Variants in HPF1 observed in about 807,000 individuals in gnomAD.
The protein encoded by HPF1 is UPF0609 protein C4orf27.
A neutral mutation model predicts 38.8 loss-of-function variants in HPF1; 35 were observed. That is an observed-to-expected ratio of 0.90 (90% CI 0.69 to 1.19). HPF1 has a LOEUF of 1.19. Among genes scored for constraint, HPF1 ranks in the 50% most tolerant of loss-of-function variants. The pLI is 0.00. For missense variants in HPF1, 367 were observed against 405.8 expected, an observed-to-expected ratio of 0.90 and a Z score of 0.82; for synonymous variants, 115 against 139.2, an observed-to-expected ratio of 0.83 and a Z score of 1.22.
intron 6 of HPF1, 22 bp downstream of exon 6, chr4:169,737,636 CAT>C (rs757643759): frequency 5.1e-6 from 7 of 1,386,120 alleles, no homozygotes; most frequent in Admixed American, 1.7e-5. Flanking sequence ...CATATATGCA[CAT>C]GTTTACTATG....
chr4:169,729,754 T>C, intron 7 of HPF1, 45 bp from the exon 8 acceptor site: 1 of 1,301,122 alleles, frequency 7.7e-7, no homozygotes, highest in Non-Finnish European at 1.0e-6. Context: ...ATAGCAGATA[T>C]CCTAATAAGT....
chr4:169,737,289 C>CAAAA (rs35524684), intron 6 of HPF1, among the ~76,000 whole-genome samples: 5 of 108,460 alleles, frequency 4.6e-5, no homozygotes, highest in Admixed American at 1.0e-4. Flanking sequence ...CACTCCGTCT[C>CAAAA]AAAAAAAAAA....
intron 6 of HPF1, among the ~76,000 whole-genome samples, chr4:169,734,684 A>C (rs1218376488): frequency 6.6e-6 from 1 of 152,240 alleles, no homozygotes; most frequent in Non-Finnish European, 1.5e-5. Flanking sequence ...ACTCAATTTA[A>C]TGAGTTAGGA....
rs759955706 is a variant in HPF1 at position 169,746,992 on chromosome 4, TA to T, written c.497+1751del. On this transcript the variant is annotated intron_variant, in intron 4 of 7. Coordinates refer to ENST00000393381, the MANE Select transcript of HPF1 (RefSeq NM_017867.3). ...TGACCACTATTATGTTATCTTTTTT[TA>T]AAAAAAAAAAAAAACATGACTAATA... is the stretch of plus-strand genomic sequence containing the variant. Among the ~76,000 whole-genome samples, 1,094 of 142,742 alleles carry T rather than the reference TA, an allele frequency of 7.7e-3. 11 individuals are homozygous for T. Among genetic ancestry groups the T allele is most frequent in the South Asian group, 0.048 (219 of 4,598 alleles). The allele number at this position is 142,742 out of a possible 152,430, so 93.6% of individuals were successfully genotyped here.
At chr4:169,737,269 G>T (rs7691713) in intron 6 of HPF1, among the ~76,000 whole-genome samples, 114,321 of 141,524 alleles carry the variant, frequency 0.81, 48,081 homozygotes, top group East Asian at 0.93. Context: ...CAGCCTGGGC[G>T]ACAGAGCAAC....
chr4:169,734,878 G>A (rs1405237020), intron 6 of HPF1, among the ~76,000 whole-genome samples: 1 of 151,992 alleles, frequency 6.6e-6, no homozygotes, highest in Non-Finnish European at 1.5e-5. Context: ...CCTCAGCCGG[G>A]GCTTTGGGAA....
intron 1 of HPF1, among the ~76,000 whole-genome samples, 181 bp downstream of exon 1, chr4:169,757,649 C>T (rs1387406477): frequency 6.6e-6 from 1 of 152,222 alleles, no homozygotes; most frequent in Admixed American, 6.5e-5. Context: ...AGCTACTTTC[C>T]TGGTCCAACC....
At chr4:169,753,152 G>C (rs1581324134) in intron 2 of HPF1, among the ~76,000 whole-genome samples, 1 of 148,144 alleles carries the variant, frequency 6.8e-6, no homozygotes, top group South Asian at 2.2e-4. Flanking sequence ...TCGTGCCTCA[G>C]CTTCCCGAGT....
At chr4:169,737,786 C>T (rs1479414150) in intron 5 of HPF1, 39 bp from the exon 6 acceptor site, 1 of 1,316,302 alleles carries the variant, frequency 7.6e-7, no homozygotes. Context: ...TCATGGTAAG[C>T]AGACATCAAA....
intron 1 of HPF1, 110 bp downstream of exon 1, chr4:169,757,720 G>C: frequency 9.2e-7 from 1 of 1,089,492 alleles, no homozygotes; most frequent in Non-Finnish European, 1.3e-6. Flanking sequence ...GCAGCCCCTG[G>C]ACACACAGCA....
intron 6 of HPF1, among the ~76,000 whole-genome samples, chr4:169,735,815 T>A (rs1245502846): frequency 2.0e-5 from 3 of 151,882 alleles, no homozygotes; most frequent in Admixed American, 2.0e-4. Flanking sequence ...ACTAATTGAC[T>A]CTGGCTTCAA....
intron 6 of HPF1, among the ~76,000 whole-genome samples, chr4:169,733,127 G>A (rs1437947246): frequency 6.6e-6 from 1 of 152,194 alleles, no homozygotes; most frequent in African/African-American, 2.4e-5. Context: ...AATCACTGCA[G>A]AATTAAACCT....
intron 4 of HPF1, among the ~76,000 whole-genome samples, chr4:169,742,423 A>G (rs1349729838): frequency 1.3e-5 from 2 of 152,228 alleles, no homozygotes; most frequent in Admixed American, 1.3e-4. Flanking sequence ...ACTTGATACT[A>G]AGATATGGCA....
At chr4:169,753,588 G>A (rs1734147010) in intron 2 of HPF1, 88 bp downstream of exon 2, 4 of 1,118,252 alleles carry the variant, frequency 3.6e-6, no homozygotes, top group South Asian at 2.8e-5. Context: ...CCTCAGCTGG[G>A]ATTACAGAGT....
In HPF1 at chr4:169,737,289, CAA is replaced by C. The variant is rs35524684; in HGVS notation, c.736+369_736+370del. Among the ~76,000 whole-genome samples, 302 of 108,504 alleles carry C rather than the reference CAA, an allele frequency of 2.8e-3. 1 individual carries two copies. Among genetic ancestry groups the C allele is most frequent in the African/African-American group, 0.011 (283 of 26,834 alleles). 71.2% of individuals were successfully genotyped at this position (108,504 alleles called of 152,430 possible). On this transcript the variant is annotated intron_variant, in intron 6 of 7. Coordinates refer to ENST00000393381, the MANE Select transcript of HPF1 (RefSeq NM_017867.3). Reference sequence around the variant, plus strand: ...TGGGCGACAGAGCAACACTCCGTCTCAAAAAAAAAAAAAAAAAACAAACAAAA... The same window carrying C: ...TGGGCGACAGAGCAACACTCCGTCTCAAAAAAAAAAAAAAAACAAACAAAA...
At chr4:169,729,784 A>C in intron 7 of HPF1, 75 bp from the exon 8 acceptor site, 1 of 1,104,940 alleles carries the variant, frequency 9.1e-7, no homozygotes, top group Non-Finnish European at 1.2e-6. Flanking sequence ...TATATCAACA[A>C]AGCACTTGTT....
intron 2 of HPF1, among the ~76,000 whole-genome samples, chr4:169,751,946 TTGTAA>T (rs1734124673): frequency 6.6e-6 from 1 of 152,182 alleles, no homozygotes. Flanking sequence ...TTGTTTTGTA[TTGTAA>T]TCTGCTTTTG....
At chr4:169,732,137 ATTTTT>A (rs70964219) in intron 6 of HPF1, 412 of 155,808 alleles carry the variant, frequency 2.6e-3, no homozygotes, top group South Asian at 6.3e-3. Context: ...TACAGTCACG[ATTTTT>A]TTTTTTTTTT....
chr4:169,742,625 T>C (rs1438159761), intron 4 of HPF1, among the ~76,000 whole-genome samples: 2 of 152,100 alleles, frequency 1.3e-5, no homozygotes, highest in Non-Finnish European at 2.9e-5. Flanking sequence ...ACCCCGTCTC[T>C]ACTAAAAATA....
Sources: allele counts gnomAD v4.1 joint callset (sites outside exome capture counted in the v4.1 genomes callset), GRCh38; gene constraint gnomAD v4.1.1; transcripts MANE v1.5; gene names NCBI Gene and HGNC (gene_info 2026-07-23, HGNC 2026-07-21).